The following NBAS variants were observed in gnomAD, a reference collection of about 807,000 sequenced individuals.
NBAS encodes the protein NBAS subunit of NRZ tethering complex, also known as NAG/BC035112 fusion.
Under a neutral mutation model 302.5 loss-of-function variants are expected in NBAS, and 219 were observed. That is an observed-to-expected ratio of 0.72 (90% CI 0.65 to 0.81). The LOEUF is 0.81. Ranked by LOEUF, NBAS falls within the 30% of genes least tolerant of loss-of-function variation. NBAS has a pLI of 0.00. For synonymous variants in NBAS, 1,118 were observed against 1,021.6 expected (o/e 1.09, Z -1.80); for missense variants, 2,932 against 2,841.6 (o/e 1.03, Z -0.72).
intron 38 of NBAS, among the ~76,000 whole-genome samples, chr2:15,325,251 A>G (rs1255553645): frequency 6.6e-6 from 1 of 152,228 alleles, no homozygotes; most frequent in Non-Finnish European, 1.5e-5. Flanking sequence ...AATAAACTGT[A>G]TCACACAAAT....
At position 15,292,626 on chromosome 2, in the gene NBAS, C is replaced by G. The variant is rs1203293004; in HGVS notation, c.4938G>C (p.Gln1646His). 19 of 1,614,060 alleles carry G rather than the reference C, an allele frequency of 1.2e-5. No individual in the cohort carries two copies. The highest frequency in any genetic ancestry group is 1.5e-5 in the Non-Finnish European group (18 of 1,180,038). Residue 1646 changes from glutamine to histidine, a missense_variant, in exon 41 of 52, where the codon CAG becomes CAC. Gln to His is a conservative substitution (Grantham distance 24). Coordinates refer to ENST00000281513, the MANE Select transcript of NBAS (RefSeq NM_015909.4). ...NERLLDFTQA[Q>H]ILQGLRKGVD... ...CACCCTTCCGAAGGCCCTGAAGGATCTGCGCCTGAGTGAAATCCAGGAGAC... is the reference window on the plus strand; with the variant it reads ...CACCCTTCCGAAGGCCCTGAAGGATGTGCGCCTGAGTGAAATCCAGGAGAC...
the NBAS span, among the ~76,000 whole-genome samples, chr2:15,154,523 C>A: frequency 6.6e-6 from 1 of 152,198 alleles, no homozygotes; most frequent in African/African-American, 2.4e-5. Flanking sequence ...GGCATGAATT[C>A]ATTTCATTCG....
chr2:15,238,234 C>G (rs1667694448), intron 45 of NBAS, among the ~76,000 whole-genome samples: 1 of 152,108 alleles, frequency 6.6e-6, no homozygotes, highest in Non-Finnish European at 1.5e-5. Flanking sequence ...TCACCCACTT[C>G]CTCTATTTCC....
the NBAS span, among the ~76,000 whole-genome samples, chr2:14,870,140 T>G: frequency 6.6e-6 from 1 of 152,158 alleles, no homozygotes; most frequent in African/African-American, 2.4e-5. Flanking sequence ...TTCCTTCAGT[T>G]TACTGCCTCA....
At chr2:15,389,322 G>C (rs1160558346) in intron 28 of NBAS, among the ~76,000 whole-genome samples, 1 of 152,146 alleles carries the variant, frequency 6.6e-6, no homozygotes, top group Non-Finnish European at 1.5e-5. Context: ...TGTGAGGCTA[G>C]AATTACCTTC....
intron 44 of NBAS, among the ~76,000 whole-genome samples, chr2:15,243,992 A>G (rs1211185650): frequency 6.6e-6 from 1 of 152,346 alleles, no homozygotes; most frequent in Middle Eastern, 3.4e-3. Context: ...CAATTGGACA[A>G]AATGACTCAG....
chr2:15,394,401 C>T (rs1472713816), intron 27 of NBAS, 52 bp from the exon 28 acceptor site: 2 of 1,596,540 alleles, frequency 1.3e-6, no homozygotes, highest in Non-Finnish European at 1.7e-6. Context: ...CAAAAAGAGT[C>T]TAAGAATCTT....
chr2:14,891,086 C>G, the NBAS span, among the ~76,000 whole-genome samples: 1 of 152,250 alleles, frequency 6.6e-6, no homozygotes, highest in African/African-American at 2.4e-5. Context: ...TCTGAAATAG[C>G]TATATTAGCG....
intron 32 of NBAS, among the ~76,000 whole-genome samples, chr2:15,358,985 T>C (rs1469993575): frequency 2.0e-5 from 3 of 152,184 alleles, no homozygotes; most frequent in African/African-American, 4.8e-5. Context: ...ATTTATCTTA[T>C]CTGAATAAAG....
the NBAS span, among the ~76,000 whole-genome samples, chr2:15,123,113 A>C: frequency 1.3e-5 from 2 of 152,206 alleles, no homozygotes; most frequent in Non-Finnish European, 2.9e-5. Context: ...GCCTGGGAGC[A>C]GCAGGCTTTC....
chr2:14,913,763 C>G, the NBAS span, among the ~76,000 whole-genome samples: 2 of 152,112 alleles, frequency 1.3e-5, no homozygotes, highest in African/African-American at 4.8e-5. Context: ...GAAAAGAGGT[C>G]AGGGCCATGT....
At chr2:15,489,526 A>G (rs1379542037) in intron 11 of NBAS, among the ~76,000 whole-genome samples, 1 of 152,156 alleles carries the variant, frequency 6.6e-6, no homozygotes, top group African/African-American at 2.4e-5. Context: ...AATGATGGAA[A>G]CAGAAGAAGA....
At chr2:15,332,488 C>T (rs892671083) in intron 35 of NBAS, among the ~76,000 whole-genome samples, 2 of 152,002 alleles carry the variant, frequency 1.3e-5, no homozygotes, top group Admixed American at 6.6e-5. Context: ...ATTTACCCAA[C>T]TGGCTGTTGT....
intron 32 of NBAS, among the ~76,000 whole-genome samples, chr2:15,357,534 T>C (rs1021846251): frequency 2.0e-5 from 3 of 152,206 alleles, no homozygotes; most frequent in African/African-American, 7.2e-5. Flanking sequence ...CAATTTTTTG[T>C]TTATTCATTT....
chr2:14,797,262 C>T, the NBAS span, among the ~76,000 whole-genome samples: 8 of 152,272 alleles, frequency 5.3e-5, no homozygotes, highest in Non-Finnish European at 1.2e-4. Flanking sequence ...CTGCCCTGCT[C>T]GCCCTCCAGC....
chr2:15,160,602 G>GGGGGGGGGGGGGGGGGC, the NBAS span, among the ~76,000 whole-genome samples: 1 of 122,496 alleles, frequency 8.2e-6, no homozygotes, highest in Non-Finnish European at 1.7e-5. Context: ...AGGGGGGGGG[G>GGGGGGGGGGGGGGGGGC]CAGGAGGCTG....
At chr2:14,839,460 G>A in the NBAS span, among the ~76,000 whole-genome samples, 1 of 152,166 alleles carries the variant, frequency 6.6e-6, no homozygotes, top group African/African-American at 2.4e-5. Flanking sequence ...CAGAGACAAA[G>A]TGGGGAGGTA....
chr2:15,011,262 G>C, the NBAS span, among the ~76,000 whole-genome samples: 1 of 152,080 alleles, frequency 6.6e-6, no homozygotes, highest in East Asian at 1.9e-4. Context: ...AAGTGCTGGG[G>C]CTTTGAACTC....
intron 35 of NBAS, among the ~76,000 whole-genome samples, chr2:15,348,762 T>C (rs1673214023): frequency 6.6e-6 from 1 of 151,814 alleles, no homozygotes; most frequent in South Asian, 2.1e-4. Flanking sequence ...CATTATGCAG[T>C]TGGTGTTTCC....
Sources: gnomAD v4.1 joint callset for allele counts (sites outside exome capture counted in the v4.1 genomes callset) on GRCh38, gnomAD v4.1.1 for gene constraint, MANE v1.5 for transcripts, NCBI Gene and HGNC (gene_info 2026-07-23, HGNC 2026-07-21) for gene names.